Variants in ZNF217 observed in about 807,000 individuals in gnomAD.
ZNF217 encodes the protein zinc finger protein 217.
A neutral mutation model predicts 73.3 loss-of-function variants in ZNF217; 12 were observed. The ratio of observed to expected loss-of-function variants is 0.16; its 90% CI spans 0.10 to 0.27. The LOEUF is 0.27. Ranked by LOEUF, ZNF217 falls within the 10% of genes least tolerant of loss-of-function variation. The pLI is 1.00. For synonymous variants in ZNF217, 588 were observed against 516.4 expected (o/e 1.14, Z -1.88); for missense variants, 1,195 against 1,327.8 (o/e 0.90, Z 1.55).
Position 53,581,593 on chromosome 20 carries a change from C to G in ZNF217, c.1234G>C (p.Val412Leu), listed in dbSNP as rs377511134. 4 of 1,614,128 alleles carry G rather than the reference C, an allele frequency of 2.5e-6. No individual in the cohort carries two copies. The African/African-American group carries it at 5.3e-5, about 22-fold the overall frequency. ...RAGAESPTMS[V>L]DGRQPGTCSP... is the part of the protein sequence containing the mutation. ...CACGTCCCCGGCTGCCTCCCGTCCA[C>G]AGACATGGTGGGCGACTCCGCGCCG... The change falls in exon 2 of 6, where the codon GTG becomes CTG. Residue 412 changes from valine to leucine, a missense_variant. This residue lies in a region of ZNF217 where 116 missense variants were observed against 121.9 expected (regional missense o/e 0.95). Transcript: ENST00000371471. The surrounding 1 kb of genome is among the most constrained non-coding windows in gnomAD (Gnocchi z 4.9).
At chr20:53,574,377 T>TC (rs938817479) in intron 4 of ZNF217, 1 of 152,212 alleles carries the variant, frequency 6.6e-6, no homozygotes, top group Non-Finnish European at 1.5e-5. Context: ...CCACGTGTGG[T>TC]CCTTACTGGG....
chr20:53,583,189 A>ACGGTTAGCTACACTCAGAG (rs1988571870), intron 1 of ZNF217, 21 bp from the exon 2 acceptor site: 2 of 408,914 alleles, frequency 4.9e-6, no homozygotes. Flanking sequence ...AAAAACAGAA[A>ACGGTTAGCTACACTCAGAG]CGGTTAGCTA....
Position 53,575,754 on chromosome 20 carries a change from T to G in ZNF217, c.3010A>C (p.Ser1004Arg). 1.3e-6 allele frequency: 2 copies of G among 1,595,514 alleles called. No homozygotes were observed. The highest frequency in any genetic ancestry group is 1.7e-6 in the Non-Finnish European group (2 of 1,170,720). The change falls in exon 4 of 6, where the codon AGT becomes CGT. Residue 1004 changes from serine (S) to arginine (R), a missense_variant. Ser to Arg is a moderately radical substitution (Grantham distance 110, BLOSUM62 -1). Around this residue, in one of 9 missense-constraint regions of ZNF217, gnomAD observed 649 missense variants for 642.8 expected, o/e 1.01. Coordinates refer to ENST00000371471, the MANE Select transcript of ZNF217 (RefSeq NM_006526.3). ...GPLYTCVPAG[S>R]PASSSTLEGK... ...TCTAACGTCGAGCTGGATGCTGGAC[T>G]ACCAGCAGGCACACAAGTGTAAAGT...
chr20:53,581,942 G>A lies in ZNF217; in HGVS notation c.885C>T (p.Thr295=), dbSNP rs1988518172. The A allele has an allele frequency of 3.7e-6, 6 of 1,614,234 alleles. No individual in the cohort carries two copies. The highest frequency in any genetic ancestry group is 4.5e-5 in the East Asian group (2 of 44,882). The change falls in exon 2 of 6, where the codon ACC becomes ACT. Residue 295 remains threonine (T), a synonymous_variant. Transcript: ENST00000371471. This position sits in a 1 kb window ranked among gnomAD's most constrained non-coding sequence, Gnocchi z 4.9. ...TGGTAGCCAGCTGCCAAGCCTGGAA[G>A]GTGGTGAACGGATCGAGCTGAGGGA... ...RCIPQLDPFT[T]FQAWQLATKG...
upstream of ZNF217, among the ~76,000 whole-genome samples, chr20:53,594,380 C>T (rs1988999710): frequency 6.6e-6 from 1 of 150,398 alleles, no homozygotes; most frequent in Non-Finnish European, 1.5e-5. Flanking sequence ...GGCCACGCCC[C>T]ACACCGCCCC....
intron 1 of ZNF217, among the ~76,000 whole-genome samples, chr20:53,584,826 T>C (rs1185568805): frequency 1.3e-5 from 2 of 152,180 alleles, no homozygotes; most frequent in Non-Finnish European, 2.9e-5. Flanking sequence ...CATTTGCTTA[T>C]TCAACAAGTA....
rs1988473036 is a variant in ZNF217 at position 53,581,332 on chromosome 20, T to C, written c.1366+129A>G. ...ACACAGAGTGATACCAAAAAGAGCCTGGACTTGACTCTGGCTCTCCAAACC... is the reference window on the plus strand; with the variant it reads ...ACACAGAGTGATACCAAAAAGAGCCCGGACTTGACTCTGGCTCTCCAAACC... On this transcript the variant is annotated intron_variant, in intron 2 of 5. Transcript: ENST00000371471. The surrounding 1 kb of genome is among the most constrained non-coding windows in gnomAD (Gnocchi z 4.9). The C allele has an allele frequency of 7.6e-7, 1 of 1,316,570 alleles. No individual in the cohort carries two copies. Among genetic ancestry groups the C allele is most frequent in the Non-Finnish European group, 1.0e-6 (1 of 976,998 alleles). 81.6% of individuals were successfully genotyped at this position (1,316,570 alleles called of 1,614,324 possible).
intron 2 of ZNF217, among the ~76,000 whole-genome samples, chr20:53,579,550 T>C (rs1047116786): frequency 2.0e-5 from 3 of 152,196 alleles, no homozygotes; most frequent in African/African-American, 4.8e-5. Context: ...GGTTTATAAC[T>C]GGGCGTTGTT....
In ZNF217 at chr20:53,582,518, C is replaced by G; in HGVS notation, c.309G>C (p.Glu103Asp). 1 of 1,614,166 alleles carries G rather than the reference C, an allele frequency of 6.2e-7. No individual in the cohort carries two copies. The highest frequency in any genetic ancestry group is 8.5e-7 in the Non-Finnish European group (1 of 1,180,040). Reference sequence around the variant, plus strand: ...GACTTTTATCAAGCGGACTGAGATACTCTGCTTCAACCCGAAGAACTGCTG... The same window carrying G: ...GACTTTTATCAAGCGGACTGAGATAGTCTGCTTCAACCCGAAGAACTGCTG... ...CEPAVLRVEAEYLSPLDKSQV... is the reference protein window; with the variant it reads ...CEPAVLRVEADYLSPLDKSQV... The change falls in exon 2 of 6, where the codon GAG becomes GAC. Residue 103 changes from glutamate to aspartate, a missense_variant. Around this residue, in one of 9 missense-constraint regions of ZNF217, gnomAD observed 147 missense variants for 184.3 expected, o/e 0.80. Coordinates refer to ENST00000371471, the MANE Select transcript of ZNF217 (RefSeq NM_006526.3). The surrounding 1 kb of genome is among the most constrained non-coding windows in gnomAD (Gnocchi z 4.8).
chr20:53,592,336 GAAC>G (rs1360200863), intron 1 of ZNF217, among the ~76,000 whole-genome samples: 1 of 151,646 alleles, frequency 6.6e-6, no homozygotes, highest in Non-Finnish European at 1.5e-5. Flanking sequence ...TTTCGAGGTA[GAAC>G]AATACACCAA....
chr20:53,571,870 AC>A lies in ZNF217; in HGVS notation c.3038-18del. On this transcript the variant is annotated intron_variant, in intron 4 of 5. Coordinates refer to ENST00000371471, the MANE Select transcript of ZNF217 (RefSeq NM_006526.3). Reference sequence around the variant, plus strand: ...GCCTTTTTCCTGATTGAAAAAAAAAACATATTTAGAGTTAAGGTCAAACAAT... The same window carrying A: ...GCCTTTTTCCTGATTGAAAAAAAAAAATATTTAGAGTTAAGGTCAAACAAT... The A allele has an allele frequency of 1.3e-6, 2 of 1,584,908 alleles. No homozygotes were observed. Among genetic ancestry groups the A allele is most frequent in the South Asian group, 1.2e-5 (1 of 85,006 alleles).
In ZNF217 at chr20:53,582,245, A is replaced by G. The variant is rs1444342509; in HGVS notation, c.582T>C (p.Ser194=). ...CGACCTCGTTGATCGTTGCTGGACT[A>G]CTCTCCAAGCCTTGCTGCAGTTTGC... ...ARSKLQQGLE[S]SPATINEVVQ... Residue 194 remains serine (S), a synonymous_variant, in exon 2 of 6, where the codon AGT becomes AGC. Coordinates refer to ENST00000371471, the MANE Select transcript of ZNF217 (RefSeq NM_006526.3). This position sits in a 1 kb window ranked among gnomAD's most constrained non-coding sequence, Gnocchi z 4.8. The G allele has an allele frequency of 6.2e-7, 1 of 1,613,716 alleles. No homozygotes were observed. Among genetic ancestry groups the G allele is most frequent in the Non-Finnish European group, 8.5e-7 (1 of 1,179,958 alleles).
rs376508387 is a variant in ZNF217 at position 53,575,913 on chromosome 20, T to C, written c.2851A>G (p.Ile951Val). Residue 951 changes from isoleucine (I) to valine (V), a missense_variant, in exon 4 of 6, where the codon ATC becomes GTC. Coordinates refer to ENST00000371471, the MANE Select transcript of ZNF217 (RefSeq NM_006526.3). ...DLPKYHMVRG[I>V]TSLLPQDCVY... is the part of the protein sequence containing the mutation. ...CAGTCCTGCGGTAACAGTGATGTGA[T>C]GCCTCTGACCATATGGTACTTGGGA... 9 of 1,614,094 alleles carry C rather than the reference T, an allele frequency of 5.6e-6. No individual in the cohort carries two copies. The highest frequency in any genetic ancestry group is 7.6e-6 in the Non-Finnish European group (9 of 1,180,030).
chr20:53,596,074 T>C (rs1039291272), upstream of ZNF217, among the ~76,000 whole-genome samples: 5 of 152,096 alleles, frequency 3.3e-5, no homozygotes, highest in Admixed American at 3.3e-4. Flanking sequence ...TTTTGACAAA[T>C]AATCGTTTCA....
intron 5 of ZNF217, 36 bp downstream of exon 5, chr20:53,571,685 G>A: frequency 6.3e-7 from 1 of 1,590,714 alleles, no homozygotes; most frequent in Non-Finnish European, 8.5e-7. Flanking sequence ...ACCGCACTCA[G>A]CCAATCCAGT....
rs11906913 is a variant in ZNF217 at position 53,575,914 on chromosome 20, G to A, written c.2850C>T (p.Gly950=). The A allele has an allele frequency of 2.8e-3, 4,456 of 1,614,178 alleles. 128 individuals carry two copies. The African/African-American group carries it at 0.054, about 20-fold the overall frequency. The change falls in exon 4 of 6, where the codon GGC becomes GGT. Residue 950 remains glycine, a synonymous_variant. Transcript: ENST00000371471. ...YDLPKYHMVR[G]ITSLLPQDCV... Reference sequence around the variant, plus strand: ...AGTCCTGCGGTAACAGTGATGTGATGCCTCTGACCATATGGTACTTGGGAA... The same window carrying A: ...AGTCCTGCGGTAACAGTGATGTGATACCTCTGACCATATGGTACTTGGGAA...
chr20:53,590,412 G>A (rs1988838468), intron 1 of ZNF217, among the ~76,000 whole-genome samples: 1 of 152,100 alleles, frequency 6.6e-6, no homozygotes, highest in Non-Finnish European at 1.5e-5. Context: ...GGGACAATTT[G>A]AATTTTTTTT....
At chr20:53,589,262 G>A (rs1988801265) in intron 1 of ZNF217, among the ~76,000 whole-genome samples, 7 of 152,172 alleles carry the variant, frequency 4.6e-5, no homozygotes, top group Admixed American at 4.6e-4. Flanking sequence ...TAAGAACAAA[G>A]GCTAAGTAAG....
Position 53,582,694 on chromosome 20 carries a change from C to T in ZNF217, c.133G>A (p.Val45Ile). ...TCTTGTGTAGCTCGGAATGGAACAA[C>T]AGCGGTCCCTTTCATTGACAAGGCA... Reference protein sequence around the residue: ...EDALSMKGTAVVPFRATQEKN... With the variant: ...EDALSMKGTAIVPFRATQEKN... The change falls in exon 2 of 6, where the codon GTT becomes ATT. Residue 45 changes from valine (V) to isoleucine (I), a missense_variant. Val to Ile is a conservative substitution (Grantham distance 29). Transcript: ENST00000371471. This position sits in a 1 kb window ranked among gnomAD's most constrained non-coding sequence, Gnocchi z 4.8. 6.2e-7 allele frequency: 1 copy of T among 1,614,144 alleles called. No homozygotes were observed. The highest frequency in any genetic ancestry group is 8.5e-7 in the Non-Finnish European group (1 of 1,180,030).
Sources: allele counts gnomAD v4.1 joint callset (sites outside exome capture counted in the v4.1 genomes callset), GRCh38; gene constraint gnomAD v4.1.1; regional missense constraint gnomAD v4.1.1; non-coding constraint Gnocchi (gnomAD v3.1); transcripts MANE v1.5; gene names NCBI Gene and HGNC (gene_info 2026-07-23, HGNC 2026-07-21).